DAP: variants seen among roughly 807,000 people sequenced by gnomAD.
The protein encoded by DAP is death associated protein.
DAP carries 8 observed loss-of-function variants against 13.8 expected under a neutral mutation model. The observed-to-expected ratio is 0.58, with a 90% confidence interval of 0.34 to 1.05. The LOEUF is 1.05. DAP is among the 50% of genes least tolerant of loss of function. The pLI, the probability that DAP is intolerant of heterozygous loss-of-function variation, is 0.03. For missense variants in DAP, 106 were observed against 133.2 expected (o/e 0.80, Z 1.01); for synonymous variants, 47 against 47.5 (o/e 0.99, Z 0.04).
In DAP at chr5:10,689,117, C is replaced by G. The variant is rs532870995; in HGVS notation, c.153-5546G>C. Among the ~76,000 whole-genome samples the G allele has an allele frequency of 3.9e-5, 6 of 152,222 alleles. No individual in the cohort carries two copies. In the East Asian group the frequency reaches 1.2e-3, roughly 29 times the overall value. On this transcript the variant is annotated intron_variant, in intron 2 of 3. Transcript: ENST00000230895. ...GGGGTTCTATGCCTCGAGTATGTACCCGGAGAAATGTGTGTGAACAGTGAT... is the reference window on the plus strand; with the variant it reads ...GGGGTTCTATGCCTCGAGTATGTACGCGGAGAAATGTGTGTGAACAGTGAT...
intron 2 of DAP, among the ~76,000 whole-genome samples, chr5:10,696,504 G>A (rs1738443588): frequency 1.3e-5 from 2 of 152,184 alleles, no homozygotes; most frequent in African/African-American, 2.4e-5. Context: ...CAGTTCAGAT[G>A]AGCAGCCTCT....
At chr5:10,682,172 G>C (rs984580521) in intron 3 of DAP, among the ~76,000 whole-genome samples, 7 of 151,648 alleles carry the variant, frequency 4.6e-5, no homozygotes, top group African/African-American at 1.5e-4. Context: ...TTGTGGGTGA[G>C]GAAGCCCCAG....
At chr5:10,709,972 A>G (rs1158535813) in intron 2 of DAP, among the ~76,000 whole-genome samples, 1 of 152,230 alleles carries the variant, frequency 6.6e-6, no homozygotes, top group Admixed American at 6.5e-5. Flanking sequence ...ACAGAGGCCC[A>G]GCGATCTGTG....
intron 2 of DAP, among the ~76,000 whole-genome samples, chr5:10,735,269 T>A (rs1333708429): frequency 6.6e-6 from 1 of 152,200 alleles, no homozygotes; most frequent in Admixed American, 6.5e-5. Flanking sequence ...CTGCCTGTCG[T>A]CATTGGTCTC....
At chr5:10,755,732 CA>C (rs1402503985) in intron 1 of DAP, among the ~76,000 whole-genome samples, 6 of 151,950 alleles carry the variant, frequency 3.9e-5, no homozygotes, top group East Asian at 1.9e-4. Context: ...TCTATAGAAA[CA>C]AAAAAAACTT....
At chr5:10,686,592 C>T (rs2126635692) in intron 2 of DAP, among the ~76,000 whole-genome samples, 1 of 152,316 alleles carries the variant, frequency 6.6e-6, no homozygotes, top group East Asian at 1.9e-4. Flanking sequence ...TCCCTTAAGC[C>T]AAAGTCTAAT....
At chr5:10,688,996 C>T (rs1433067912) in intron 2 of DAP, among the ~76,000 whole-genome samples, 1 of 152,146 alleles carries the variant, frequency 6.6e-6, no homozygotes, top group Non-Finnish European at 1.5e-5. Flanking sequence ...GTCTGGAGCC[C>T]AGGGGCCTGC....
At chr5:10,726,112 AAT>A (rs1739282184) in intron 2 of DAP, among the ~76,000 whole-genome samples, 2 of 152,216 alleles carry the variant, frequency 1.3e-5, no homozygotes, top group Admixed American at 1.3e-4. Flanking sequence ...ATGCTTTCAA[AAT>A]AGATTCAAGT....
At chr5:10,690,197 A>T (rs1738272425) in intron 2 of DAP, among the ~76,000 whole-genome samples, 1 of 152,114 alleles carries the variant, frequency 6.6e-6, no homozygotes, top group African/African-American at 2.4e-5. Context: ...GTGACAGGAC[A>T]CCAGACTGAG....
At chr5:10,743,518 C>T (rs958306918) in intron 2 of DAP, among the ~76,000 whole-genome samples, 7 of 152,126 alleles carry the variant, frequency 4.6e-5, no homozygotes, top group Admixed American at 1.3e-4. Context: ...TGACCAAACC[C>T]GTTCTTTTCT....
intron 2 of DAP, among the ~76,000 whole-genome samples, chr5:10,700,012 T>C (rs1264860609): frequency 6.6e-6 from 1 of 152,166 alleles, no homozygotes; most frequent in East Asian, 1.9e-4. Flanking sequence ...AGGGCCCCTC[T>C]CCGAGCTGAG....
intron 2 of DAP, among the ~76,000 whole-genome samples, chr5:10,726,695 T>G (rs764678567): frequency 6.6e-6 from 1 of 152,242 alleles, no homozygotes; most frequent in Admixed American, 6.5e-5. Flanking sequence ...GTGAAGGGCC[T>G]GAGGTTTTAT....
At chr5:10,760,421 TA>T (rs1159233919) in intron 1 of DAP, among the ~76,000 whole-genome samples, 3 of 152,162 alleles carry the variant, frequency 2.0e-5, no homozygotes, top group African/African-American at 7.2e-5. Context: ...TTCCTGGCTT[TA>T]ACTTCCTTGG....
At chr5:10,717,886 C>T (rs937369330) in intron 2 of DAP, among the ~76,000 whole-genome samples, 8 of 152,158 alleles carry the variant, frequency 5.3e-5, no homozygotes, top group Admixed American at 3.9e-4. Flanking sequence ...TTAATTTATA[C>T]AAGCGGAAAG....
intron 2 of DAP, 187 bp downstream of exon 2, chr5:10,747,988 G>A: frequency 1.8e-6 from 1 of 553,090 alleles, no homozygotes. Context: ...GGACCTCTAG[G>A]GGCTCTATTT....
chr5:10,705,234 C>T (rs1325173392), intron 2 of DAP, among the ~76,000 whole-genome samples: 3 of 152,232 alleles, frequency 2.0e-5, no homozygotes, highest in African/African-American at 7.2e-5. Flanking sequence ...GCCCACACTA[C>T]ACACGGTCGT....
At chr5:10,753,714 G>C (rs1740103391) in intron 1 of DAP, among the ~76,000 whole-genome samples, 1 of 152,208 alleles carries the variant, frequency 6.6e-6, no homozygotes, top group South Asian at 2.1e-4. Context: ...ATGAACCAGG[G>C]AGCAATTTCC....
chr5:10,706,593 T>C (rs1738703062), intron 2 of DAP, among the ~76,000 whole-genome samples: 2 of 152,234 alleles, frequency 1.3e-5, no homozygotes, highest in South Asian at 2.1e-4. Flanking sequence ...CGGACAGAGA[T>C]GGACTTGTTA....
At position 10,680,687 on chromosome 5, in the gene DAP, C is replaced by T; in HGVS notation, c.*369G>A. 1 of 1,507,698 alleles carries T rather than the reference C, an allele frequency of 6.6e-7. No homozygotes were observed. Among genetic ancestry groups the T allele is most frequent in the Non-Finnish European group, 8.9e-7 (1 of 1,124,904 alleles). The allele number at this position is 1,507,698 out of a possible 1,614,324, so 93.4% of individuals were successfully genotyped here. A position where few individuals can be genotyped will look rare whatever the true frequency, so the allele number is the denominator to read the frequency against. ...AGCATGCAATGACTGAGGTTTTCTC[C>T]TAACCTTAATCTCATCTTCTCAAAT... On this transcript the variant is annotated 3_prime_UTR_variant, in exon 4 of 4. Transcript: ENST00000230895.
Sources: allele counts gnomAD v4.1 joint callset (sites outside exome capture counted in the v4.1 genomes callset), GRCh38; gene constraint gnomAD v4.1.1; transcripts MANE v1.5; gene names NCBI Gene and HGNC (gene_info 2026-07-23, HGNC 2026-07-21).